Variants in PCLO observed in about 807,000 individuals in gnomAD.
PCLO encodes protein piccolo.
Under a neutral mutation model 427.5 loss-of-function variants are expected in PCLO, and 82 were observed. The observed-to-expected ratio is 0.19, with a 90% CI of 0.16 to 0.23. PCLO has a LOEUF of 0.23. Among genes scored for constraint, PCLO ranks in the 10% least tolerant of loss-of-function variants. The probability of loss-of-function intolerance (pLI) is 1.00; values close to 1 mark genes in which losing one functional copy is unlikely to be tolerated. For missense variants in PCLO, 6,239 were observed against 6,115.9 expected, an observed-to-expected ratio of 1.02 and a Z score of -0.67; for synonymous variants, 2,357 against 2,155.4, an observed-to-expected ratio of 1.09 and a Z score of -2.59.
intron 3 of PCLO, among the ~76,000 whole-genome samples, chr7:83,105,065 T>C (rs988881801): frequency 7.2e-5 from 11 of 152,208 alleles, no homozygotes; most frequent in African/African-American, 2.7e-4. Context: ...TCAACATGGA[T>C]AGAAGTTTAA....
At chr7:82,805,550 T>C in intron 21 of PCLO, 138 bp downstream of exon 21, 1 of 676,420 alleles carries the variant, frequency 1.5e-6, no homozygotes, top group Non-Finnish European at 2.4e-6. Flanking sequence ...TATTTTTACA[T>C]AGGCATTAAC....
intron 22 of PCLO, among the ~76,000 whole-genome samples, chr7:82,780,317 T>C (rs866121653): frequency 6.6e-6 from 1 of 152,212 alleles, no homozygotes; most frequent in Non-Finnish European, 1.5e-5. Flanking sequence ...GTAGAGAATT[T>C]AGTAATCTAT....
chr7:82,808,576 C>T (rs891071301), intron 20 of PCLO, among the ~76,000 whole-genome samples: 3 of 151,564 alleles, frequency 2.0e-5, no homozygotes, highest in Non-Finnish European at 4.4e-5. Flanking sequence ...CAAGTGTTGT[C>T]AATATTTTAA....
At position 82,951,141 on chromosome 7, in the gene PCLO, T is replaced by G. The variant is rs1341278667; in HGVS notation, c.9447A>C (p.Ala3149=). The G allele has an allele frequency of 6.2e-7, 1 of 1,613,808 alleles. No individual in the cohort carries two copies. The change falls in exon 6 of 25, where the codon GCA becomes GCC. Residue 3149 remains alanine (A), a synonymous_variant. Coordinates refer to ENST00000333891, the MANE Select transcript of PCLO (RefSeq NM_033026.6). ...MPRSYFITTG[A]SETDIAVTGI... ...CAGTTACTGCAATGTCCGTTTCAGA[T>G]GCACCTGTTGTTATAAAATATGATC... is the stretch of plus-strand genomic sequence containing the variant.
intron 22 of PCLO, among the ~76,000 whole-genome samples, chr7:82,769,609 A>C (rs1790606209): frequency 6.6e-6 from 1 of 152,174 alleles, no homozygotes; most frequent in African/African-American, 2.4e-5. Flanking sequence ...GTAACTGGAA[A>C]TGAATACAAT....
intron 3 of PCLO, among the ~76,000 whole-genome samples, chr7:83,113,626 C>T (rs1791059805): frequency 6.6e-6 from 1 of 152,136 alleles, no homozygotes; most frequent in African/African-American, 2.4e-5. Context: ...GATTAATTCA[C>T]TCATGCTACA....
chr7:82,880,420 C>A, intron 9 of PCLO: 1 of 408,750 alleles, frequency 2.4e-6, no homozygotes. Flanking sequence ...TTCTTTTTAT[C>A]TTTTGTAGAG....
intron 20 of PCLO, among the ~76,000 whole-genome samples, chr7:82,811,798 G>A (rs952174747): frequency 6.6e-6 from 1 of 151,408 alleles, no homozygotes; most frequent in Non-Finnish European, 1.5e-5. Context: ...ACAAATACAG[G>A]TGTTGAAACT....
At chr7:82,783,399 C>T (rs548574947) in intron 22 of PCLO, among the ~76,000 whole-genome samples, 2 of 151,934 alleles carry the variant, frequency 1.3e-5, no homozygotes, top group African/African-American at 4.8e-5. Flanking sequence ...CGGATCACGA[C>T]GTCAGGAGAT....
intron 10 of PCLO, among the ~76,000 whole-genome samples, chr7:82,870,301 C>T (rs1793201595): frequency 6.6e-6 from 1 of 151,988 alleles, no homozygotes; most frequent in African/African-American, 2.4e-5. Flanking sequence ...TTACAGCCAA[C>T]ACAGTTTCAA....
intron 3 of PCLO, among the ~76,000 whole-genome samples, chr7:83,007,786 T>C (rs1787984937): frequency 6.6e-6 from 1 of 151,520 alleles, no homozygotes; most frequent in Admixed American, 6.6e-5. Context: ...CTCTAAACCT[T>C]AGTCTAGACA....
chr7:83,004,064 G>C (rs1021187092), intron 3 of PCLO, among the ~76,000 whole-genome samples: 2 of 151,618 alleles, frequency 1.3e-5, no homozygotes, highest in African/African-American at 4.8e-5. Flanking sequence ...AGTCATACAT[G>C]AGAAGCTCGC....
chr7:83,099,986 TTATTA>T (rs1790696531), intron 3 of PCLO, among the ~76,000 whole-genome samples: 2 of 152,008 alleles, frequency 1.3e-5, no homozygotes, highest in Admixed American at 6.6e-5. Flanking sequence ...TTTACTATAC[TTATTA>T]TATTAAATAA....
intron 10 of PCLO, chr7:82,848,978 TA>T: frequency 3.1e-6 from 1 of 327,840 alleles, no homozygotes; most frequent in Non-Finnish European, 6.2e-6. Flanking sequence ...CAACACTAAA[TA>T]AAAATATAGC....
intron 3 of PCLO, among the ~76,000 whole-genome samples, chr7:83,086,766 C>T (rs1272370625): frequency 6.6e-6 from 1 of 152,048 alleles, no homozygotes; most frequent in East Asian, 1.9e-4. Flanking sequence ...TTCAAGATTA[C>T]TCATCAAAAT....
intron 3 of PCLO, among the ~76,000 whole-genome samples, chr7:83,069,098 T>G (rs755792165): frequency 8.5e-4 from 130 of 152,106 alleles, no homozygotes; most frequent in Non-Finnish European, 1.6e-3. Flanking sequence ...TGGCACAAAA[T>G]TTCAATCGTA....
At chr7:83,115,344 CA>C (rs1030398659) in intron 3 of PCLO, among the ~76,000 whole-genome samples, 1 of 151,832 alleles carries the variant, frequency 6.6e-6, no homozygotes, top group Non-Finnish European at 1.5e-5. Context: ...TTCAATGTTA[CA>C]AAATAGCAAG....
At chr7:82,828,021 T>A in intron 16 of PCLO, 55 bp from the exon 17 acceptor site, 1 of 974,032 alleles carries the variant, frequency 1.0e-6, no homozygotes, top group Non-Finnish European at 1.6e-6. Flanking sequence ...GTTTATGACT[T>A]CACAGTTAAA....
intron 4 of PCLO, among the ~76,000 whole-genome samples, chr7:82,957,761 C>A (rs1434275505): frequency 6.6e-6 from 1 of 152,174 alleles, no homozygotes; most frequent in Non-Finnish European, 1.5e-5. Flanking sequence ...CTTACAAATA[C>A]CTTCTGATTT....
Sources: allele counts gnomAD v4.1 joint callset (sites outside exome capture counted in the v4.1 genomes callset), GRCh38; gene constraint gnomAD v4.1.1; transcripts MANE v1.5; gene names NCBI Gene and HGNC (gene_info 2026-07-23, HGNC 2026-07-21).